CEP126: variants seen among roughly 807,000 people sequenced by gnomAD.
CEP126 encodes centrosomal protein of 126 kDa.
Under a neutral mutation model 107.8 loss-of-function variants are expected in CEP126, and 74 were observed. The ratio of observed to expected loss-of-function variants is 0.69; its 90% CI spans 0.57 to 0.83. The LOEUF (loss-of-function observed/expected upper bound fraction) is 0.83, where lower values mean the gene tolerates loss of function less well. CEP126 is among the 40% of genes least tolerant of loss of function. CEP126 has a pLI of 0.00. For synonymous variants in CEP126, 449 were observed against 446.0 expected, an observed-to-expected ratio of 1.01 and a Z score of -0.08; for missense variants, 1,237 against 1,281.9, an observed-to-expected ratio of 0.96 and a Z score of 0.53.
At chr11:101,954,226 C>T (rs1278083227) in intron 4 of CEP126, among the ~76,000 whole-genome samples, 1 of 152,102 alleles carries the variant, frequency 6.6e-6, no homozygotes, top group Non-Finnish European at 1.5e-5. Context: ...CTGGGTTTCA[C>T]CATTTTGGCC....
chr11:101,944,116 A>G (rs1349093364), intron 2 of CEP126, 149 bp from the exon 3 acceptor site: 2 of 662,892 alleles, frequency 3.0e-6, no homozygotes, highest in East Asian at 6.6e-5. Flanking sequence ...AGTCTTTGGC[A>G]AACACCTGTT....
chr11:101,953,977 T>C (rs1465890330), intron 4 of CEP126, among the ~76,000 whole-genome samples: 2 of 152,090 alleles, frequency 1.3e-5, no homozygotes, highest in Non-Finnish European at 2.9e-5. Flanking sequence ...GTTTTTTTTT[T>C]CTATCAGTTG....
chr11:101,996,363 T>C (rs961615751), intron 10 of CEP126, among the ~76,000 whole-genome samples: 3 of 152,220 alleles, frequency 2.0e-5, no homozygotes, highest in African/African-American at 7.2e-5. Flanking sequence ...AGTCATCCTT[T>C]CTCTGATCCT....
intron 2 of CEP126, among the ~76,000 whole-genome samples, chr11:101,936,427 C>G (rs1940580112): frequency 7.4e-6 from 1 of 134,946 alleles, no homozygotes. Context: ...ATTCTAAGAA[C>G]TTGTTAAATT....
intron 6 of CEP126, among the ~76,000 whole-genome samples, chr11:101,971,928 G>T (rs1941134066): frequency 6.6e-6 from 1 of 151,926 alleles, no homozygotes; most frequent in Admixed American, 6.6e-5. Flanking sequence ...GGCCAACATG[G>T]TGAAACCCCG....
At chr11:101,929,055 TA>T (rs1940453158) in intron 2 of CEP126, among the ~76,000 whole-genome samples, 1 of 152,356 alleles carries the variant, frequency 6.6e-6, no homozygotes, top group East Asian at 1.9e-4. Context: ...TTTTTAATTC[TA>T]AATTTTTCAT....
intron 4 of CEP126, chr11:101,957,041 G>C (rs1940908886): frequency 3.6e-6 from 1 of 279,592 alleles, no homozygotes; most frequent in Non-Finnish European, 6.9e-6. Flanking sequence ...GTAGGAAAGT[G>C]TAAAAGGAAG....
At chr11:101,983,940 T>G (rs1321238019) in intron 8 of CEP126, among the ~76,000 whole-genome samples, 1 of 152,226 alleles carries the variant, frequency 6.6e-6, no homozygotes. Context: ...TCTTTTCTGA[T>G]TGGTTTCACA....
chr11:101,962,554 T>C lies in CEP126; in HGVS notation c.1519T>C (p.Tyr507His). ...AGATGGTAAAGAAGAAGAGATAAAATATTTTAATTGCAATAAGGAAGAGTT... is the reference window on the plus strand; with the variant it reads ...AGATGGTAAAGAAGAAGAGATAAAACATTTTAATTGCAATAAGGAAGAGTT... ...LKDGKEEEIK[Y>H]FNCNKEELPL... The change falls in exon 6 of 11, where the codon TAT (tyrosine) becomes CAT (histidine). Residue 507 changes from tyrosine (Y) to histidine (H), a missense_variant. Physicochemically the swap from Tyr to His is moderately conservative, Grantham distance 83. Transcript: ENST00000263468. The C allele has an allele frequency of 6.2e-7, 1 of 1,613,194 alleles. No homozygotes were observed. Among genetic ancestry groups the C allele is most frequent in the Non-Finnish European group, 8.5e-7 (1 of 1,179,448 alleles).
intron 3 of CEP126, among the ~76,000 whole-genome samples, chr11:101,945,942 G>T (rs938829790): frequency 1.3e-5 from 2 of 151,964 alleles, no homozygotes; most frequent in African/African-American, 4.8e-5. Context: ...GGGAACTAGG[G>T]GTCTCTGCTA....
chr11:101,993,477 T>G (rs1941409071), intron 10 of CEP126, among the ~76,000 whole-genome samples: 1 of 152,212 alleles, frequency 6.6e-6, no homozygotes, highest in Non-Finnish European at 1.5e-5. Context: ...GCATTTAGGT[T>G]GATTCCGTGT....
chr11:101,924,627 G>A (rs528442898), intron 2 of CEP126, among the ~76,000 whole-genome samples: 3 of 152,144 alleles, frequency 2.0e-5, no homozygotes, highest in East Asian at 1.9e-4. Context: ...CCCCGTGCCC[G>A]GCTAATTTTT....
At chr11:101,928,610 C>A (rs989380402) in intron 2 of CEP126, among the ~76,000 whole-genome samples, 1 of 152,090 alleles carries the variant, frequency 6.6e-6, no homozygotes, top group African/African-American at 2.4e-5. Flanking sequence ...GTTTTGTCTC[C>A]AGATGTCCAG....
At chr11:101,956,496 C>A (rs1265627323) in intron 4 of CEP126, 1 of 456,580 alleles carries the variant, frequency 2.2e-6, no homozygotes, top group East Asian at 7.0e-5. Flanking sequence ...TCAGTTCTCT[C>A]CCTTGCATCT....
rs771858639 is a variant in CEP126 at position 101,948,151 on chromosome 11, T to C, written c.506+9T>C. The C allele has an allele frequency of 1.4e-6, 2 of 1,471,768 alleles. No homozygotes were observed. Among genetic ancestry groups the C allele is most frequent in the South Asian group, 2.3e-5 (2 of 86,186 alleles). The allele number at this position is 1,471,768 out of a possible 1,614,324, so 91.2% of individuals were successfully genotyped here. A position where few individuals can be genotyped will look rare whatever the true frequency, so the allele number is the denominator to read the frequency against. ...CCAACAATAAACTGGAGGTAAGTAA[T>C]TTATGATCATTGTATACAATTATTA... On this transcript the variant is annotated intron_variant, in intron 4 of 10. Coordinates refer to ENST00000263468, the MANE Select transcript of CEP126 (RefSeq NM_020802.4).
intron 1 of CEP126, among the ~76,000 whole-genome samples, chr11:101,919,286 A>T (rs1940285606): frequency 6.6e-6 from 1 of 152,192 alleles, no homozygotes; most frequent in Non-Finnish European, 1.5e-5. Flanking sequence ...TGGGGAAAAA[A>T]TGGGTTATAT....
chr11:101,942,123 G>GT (rs1336361212), intron 2 of CEP126, among the ~76,000 whole-genome samples: 4 of 151,944 alleles, frequency 2.6e-5, no homozygotes, highest in African/African-American at 4.8e-5. Context: ...ATCCACAAAA[G>GT]TTTTTAATTT....
chr11:101,944,963 T>G (rs2137096713), intron 3 of CEP126, among the ~76,000 whole-genome samples: 1 of 152,344 alleles, frequency 6.6e-6, no homozygotes, highest in Middle Eastern at 3.4e-3. Flanking sequence ...AGAATAGTGA[T>G]AAGCAGAAGC....
chr11:101,997,409 A>G (rs548178323), intron 10 of CEP126, among the ~76,000 whole-genome samples, 190 bp from the exon 11 acceptor site: 13 of 152,376 alleles, frequency 8.5e-5, no homozygotes, highest in African/African-American at 3.1e-4. Context: ...TAGAGTAGAA[A>G]GGTACTGATG....
Sources: gnomAD v4.1 joint callset for allele counts (sites outside exome capture counted in the v4.1 genomes callset) on GRCh38, gnomAD v4.1.1 for gene constraint, MANE v1.5 for transcripts, NCBI Gene and HGNC (gene_info 2026-07-23, HGNC 2026-07-21) for gene names.